PDE1A: variants seen among roughly 807,000 people sequenced by gnomAD.
PDE1A encodes phosphodiesterase 1A, also known as dual specificity calcium/calmodulin-dependent 3',5'-cyclic nucleotide phosphodiesterase 1A.
PDE1A carries 35 observed loss-of-function variants against 61.7 expected under a neutral mutation model. The ratio of observed to expected loss-of-function variants is 0.57; its 90% CI spans 0.43 to 0.75. The LOEUF (loss-of-function observed/expected upper bound fraction) is 0.75. PDE1A is among the 30% of genes least tolerant of loss of function. The pLI is 0.00. For synonymous variants in PDE1A, 232 were observed against 213.2 expected, an observed-to-expected ratio of 1.09 and a Z score of -0.77; for missense variants, 597 against 630.6, an observed-to-expected ratio of 0.95 and a Z score of 0.57.
the PDE1A span, among the ~76,000 whole-genome samples, chr2:182,554,149 G>A: frequency 6.6e-6 from 1 of 152,052 alleles, no homozygotes; most frequent in Non-Finnish European, 1.5e-5. Context: ...CTGAAGGAAG[G>A]CATCTCTCAA....
At chr2:182,636,810 GTCAGGTTGCTGGCTAAGT>G in the PDE1A span, among the ~76,000 whole-genome samples, 2 of 152,184 alleles carry the variant, frequency 1.3e-5, no homozygotes, top group African/African-American at 4.8e-5. Context: ...TCCCAGCTCA[GTCAGGTTGCTGGCTAAGT>G]TCAGTTTCTT....
At chr2:182,571,241 T>G in the PDE1A span, among the ~76,000 whole-genome samples, 5 of 152,164 alleles carry the variant, frequency 3.3e-5, no homozygotes, top group Non-Finnish European at 5.9e-5. Flanking sequence ...AAGATCATGT[T>G]TTTCATATGC....
rs1330219363 is a variant in PDE1A, at chr2:182,508,960, C to G, written c.101+13316G>C. On this transcript the variant is annotated intron_variant, in intron 2 of 14. Transcript: ENST00000410103. ...TATCTCCCGATGCTATCCCTCCCCCCTACCCCCAGCCCACAACAGTCCCCA... is the reference window on the plus strand; with the variant it reads ...TATCTCCCGATGCTATCCCTCCCCCGTACCCCCAGCCCACAACAGTCCCCA... Among the ~76,000 whole-genome samples the G allele has an allele frequency of 1.5e-4, 22 of 146,796 alleles. No individual in the cohort carries two copies. In the South Asian group the frequency reaches 2.7e-3, roughly 18 times the overall value.
intron 1 of PDE1A, among the ~76,000 whole-genome samples, chr2:182,274,576 A>G (rs575540853): frequency 6.6e-6 from 1 of 152,126 alleles, no homozygotes; most frequent in African/African-American, 2.4e-5. Context: ...TGTGGCATAA[A>G]AAGCAATCAA....
At chr2:182,605,636 C>G in the PDE1A span, among the ~76,000 whole-genome samples, 3 of 152,154 alleles carry the variant, frequency 2.0e-5, no homozygotes, top group Admixed American at 2.0e-4. Context: ...CATAACCACA[C>G]CAGCTACATA....
At chr2:182,322,374 G>C (rs555051876) in intron 1 of PDE1A, among the ~76,000 whole-genome samples, 104 of 152,108 alleles carry the variant, frequency 6.8e-4, no homozygotes, top group Non-Finnish European at 1.2e-3. Flanking sequence ...GGAGGTAATT[G>C]AATCATGGAA....
chr2:182,263,224 G>T (rs1172711616), intron 2 of PDE1A, among the ~76,000 whole-genome samples: 1 of 151,976 alleles, frequency 6.6e-6, no homozygotes, highest in Non-Finnish European at 1.5e-5. Context: ...AGGACCAAAG[G>T]GTCTGGCTAG....
chr2:182,246,394 C>CTTTTTTTTTTTTTTTT (rs772600912), intron 2 of PDE1A, among the ~76,000 whole-genome samples: 3 of 105,364 alleles, frequency 2.8e-5, no homozygotes, highest in African/African-American at 3.6e-5. Flanking sequence ...AGTCTTTTTT[C>CTTTTTTTTTTTTTTTT]TTTTTTCTTT....
chr2:182,353,875 T>C (rs1699027500), intron 1 of PDE1A, among the ~76,000 whole-genome samples: 1 of 152,122 alleles, frequency 6.6e-6, no homozygotes, highest in African/African-American at 2.4e-5. Flanking sequence ...TCTAATTATA[T>C]GGTGATTCCA....
intron 1 of PDE1A, among the ~76,000 whole-genome samples, chr2:182,280,524 TGATA>T (rs1693732366): frequency 6.6e-6 from 1 of 151,928 alleles, no homozygotes; most frequent in South Asian, 2.1e-4. Context: ...CCCACTTGAT[TGATA>T]GTCTGACAGA....
the PDE1A span, among the ~76,000 whole-genome samples, chr2:182,630,619 A>G: frequency 6.6e-5 from 10 of 152,260 alleles, no homozygotes; most frequent in African/African-American, 2.4e-4. Context: ...TAAACATTTC[A>G]TCAGTTTGAT....
chr2:182,616,692 A>G, the PDE1A span, among the ~76,000 whole-genome samples: 1 of 152,240 alleles, frequency 6.6e-6, no homozygotes, highest in Non-Finnish European at 1.5e-5. Flanking sequence ...CAGTTTTCCC[A>G]GCTACTTCAT....
intron 2 of PDE1A, among the ~76,000 whole-genome samples, chr2:182,483,784 A>G (rs1687845263): frequency 6.6e-6 from 1 of 151,982 alleles, no homozygotes; most frequent in Non-Finnish European, 1.5e-5. Flanking sequence ...TCCAGAAATC[A>G]ATTACATAGA....
intron 13 of PDE1A, among the ~76,000 whole-genome samples, chr2:182,157,477 C>T: frequency 6.6e-6 from 1 of 152,218 alleles, no homozygotes; most frequent in East Asian, 1.9e-4. Flanking sequence ...TTTCTATAGA[C>T]TCTAAGACCC....
intron 1 of PDE1A, among the ~76,000 whole-genome samples, chr2:182,312,248 T>A (rs894870898): frequency 1.3e-5 from 2 of 152,176 alleles, no homozygotes; most frequent in Non-Finnish European, 2.9e-5. Flanking sequence ...ATGGCATCTT[T>A]TCATTCTCTG....
At chr2:182,192,152 C>T (rs887520334) in intron 10 of PDE1A, among the ~76,000 whole-genome samples, 31 of 152,134 alleles carry the variant, frequency 2.0e-4, no homozygotes, top group African/African-American at 7.0e-4. Context: ...CCACTGTGCC[C>T]AGCCACTTTC....
intron 2 of PDE1A, among the ~76,000 whole-genome samples, chr2:182,455,158 G>A (rs1685820041): frequency 6.6e-6 from 1 of 152,004 alleles, no homozygotes; most frequent in African/African-American, 2.4e-5. Context: ...ATGAAAAAAT[G>A]CTCACCATCA....
intron 13 of PDE1A, among the ~76,000 whole-genome samples, chr2:182,178,165 A>C (rs1684437702): frequency 1.3e-5 from 2 of 152,142 alleles, no homozygotes; most frequent in Admixed American, 1.3e-4. Flanking sequence ...GCTACCCCAA[A>C]AACAAAGGCA....
intron 4 of PDE1A, among the ~76,000 whole-genome samples, chr2:182,234,113 C>T (rs924014193): frequency 2.6e-5 from 4 of 151,930 alleles, no homozygotes; most frequent in Admixed American, 6.6e-5. Flanking sequence ...AAAATATGTA[C>T]ATTTTGACAA....
Sources: gnomAD v4.1 joint callset for allele counts (sites outside exome capture counted in the v4.1 genomes callset) on GRCh38, gnomAD v4.1.1 for gene constraint, MANE v1.5 for transcripts, NCBI Gene and HGNC (gene_info 2026-07-23, HGNC 2026-07-21) for gene names.